Variants in ZNF7 observed in about 807,000 individuals in gnomAD.
The protein encoded by ZNF7 is C2-H2 type zinc finger protein.
ZNF7 carries 10 observed loss-of-function variants against 12.0 expected under a neutral mutation model. That is an observed-to-expected ratio of 0.83 (90% CI 0.51 to 1.42). ZNF7 has a LOEUF of 1.42. Ranked by LOEUF, ZNF7 falls within the 40% of genes most tolerant of loss-of-function variation. The probability of loss-of-function intolerance (pLI) is 0.00; values close to 1 mark genes in which losing one functional copy is unlikely to be tolerated. For missense variants in ZNF7, 854 were observed against 837.2 expected, an observed-to-expected ratio of 1.02 and a Z score of -0.25; for synonymous variants, 334 against 295.0, an observed-to-expected ratio of 1.13 and a Z score of -1.35.
chr8:144,845,612 T>G (rs899032618), downstream of ZNF7, among the ~76,000 whole-genome samples: 8 of 152,204 alleles, frequency 5.3e-5, no homozygotes, highest in Non-Finnish European at 1.0e-4. Flanking sequence ...AGCATCTAAT[T>G]AAGGCTGATA....
downstream of ZNF7, chr8:144,846,304 C>T (rs1272257816): frequency 9.3e-6 from 9 of 966,880 alleles, no homozygotes; most frequent in Non-Finnish European, 1.3e-5. Flanking sequence ...TTGACATGGT[C>T]CTAAGTCAGG....
chr8:144,843,306 C>T lies in ZNF7; in HGVS notation c.*138C>T, dbSNP rs80296345. 6,070 of 1,135,604 alleles carry T rather than the reference C, an allele frequency of 5.3e-3. 256 individuals carry two copies. In the East Asian group the frequency reaches 0.11, roughly 21 times the overall value. 70.3% of individuals were successfully genotyped at this position (1,135,604 alleles called of 1,614,324 possible). On this transcript the variant is annotated 3_prime_UTR_variant, in exon 5 of 5. Transcript: ENST00000532777. ...AATTGCTCTCAAGAATATCCAACTT[C>T]AGGCCGAGTGTGGTGGCTTATGCCT...
In ZNF7 at chr8:144,841,666, C is replaced by G; in HGVS notation, c.559C>G (p.Gln187Glu). 1 of 1,614,144 alleles carries G rather than the reference C, an allele frequency of 6.2e-7. No individual in the cohort carries two copies. Among genetic ancestry groups the G allele is most frequent in the Non-Finnish European group, 8.5e-7 (1 of 1,180,018 alleles). ...SGLDCQPLES[Q>E]GESAEGMSQR... ...CCTGGATTGTCAGCCTCTTGAAAGT[C>G]AGGGAGAGAGTGCGGAAGGGATGTC... is the stretch of plus-strand genomic sequence containing the variant. The change falls in exon 5 of 5, where the codon CAG (glutamine) becomes GAG (glutamate). Residue 187 changes from glutamine to glutamate, a missense_variant. Transcript: ENST00000532777.
Position 144,829,624 on chromosome 8 carries a change from C to A in ZNF7, c.130+20C>A. ...GACTAGGTGAGGCTGCACCTTGGGG[C>A]CCCTTCCCCTGCATCATCAGTCAGC... is the stretch of plus-strand genomic sequence containing the variant. On this transcript the variant is annotated intron_variant, in intron 3 of 4. Coordinates refer to ENST00000532777, the MANE Select transcript of ZNF7 (RefSeq NM_003416.4). The A allele has an allele frequency of 1.3e-6, 2 of 1,590,166 alleles. No individual in the cohort carries two copies. The highest frequency in any genetic ancestry group is 8.6e-7 in the Non-Finnish European group (1 of 1,164,014).
At chr8:144,837,116 C>T in intron 3 of ZNF7, 1 of 289,076 alleles carries the variant, frequency 3.5e-6, no homozygotes, top group Non-Finnish European at 6.5e-6. Flanking sequence ...TAGAGGCGGA[C>T]TGTCCTTTGC....
At chr8:144,839,662 C>T (rs905823251) in intron 4 of ZNF7, among the ~76,000 whole-genome samples, 54 of 152,330 alleles carry the variant, frequency 3.5e-4, no homozygotes, top group African/African-American at 8.9e-4. Context: ...CCTGAGAGTC[C>T]GGGGCAGGGA....
rs1828123894 is a variant in ZNF7, at chr8:144,829,010, C to G, written c.-45-33C>G. On this transcript the variant is annotated intron_variant, in intron 1 of 4. Transcript: ENST00000532777. ...AGCCTGGAAGTTGGGCTTCTGGCAC[C>G]TTGACCTCTAATCCTTTCATAATTG... 4.4e-6 allele frequency: 7 copies of G among 1,607,820 alleles called. No individual in the cohort carries two copies. In the South Asian group the frequency reaches 6.7e-5, roughly 15 times the overall value.
intron 3 of ZNF7, chr8:144,837,145 G>C (rs1194908808): frequency 2.9e-6 from 1 of 348,012 alleles, no homozygotes; most frequent in Non-Finnish European, 5.3e-6. Context: ...TGGTGACAGG[G>C]TCGCCTGGAG....
At chr8:144,838,023 A>G (rs913113634) in intron 4 of ZNF7, 2 of 698,678 alleles carry the variant, frequency 2.9e-6, no homozygotes, top group Non-Finnish European at 5.2e-6. Context: ...GAGGCCGGAA[A>G]TCTGAAACCG....
rs1828463457 is a variant in ZNF7 at position 144,831,658 on chromosome 8, C to T, written c.130+2054C>T. Reference sequence around the variant, plus strand: ...ATTAGCTGGGTGTGGTGGCGCATGCCTGTAATCCCAGCTACTCGGGAGGCT... The same window carrying T: ...ATTAGCTGGGTGTGGTGGCGCATGCTTGTAATCCCAGCTACTCGGGAGGCT... On this transcript the variant is annotated intron_variant, in intron 3 of 4. Coordinates refer to ENST00000532777, the MANE Select transcript of ZNF7 (RefSeq NM_003416.4). 1.5e-5 allele frequency among the ~76,000 whole-genome samples: 2 copies of T among 135,250 alleles called. 1 individual carries two copies. The highest frequency in any genetic ancestry group is 4.2e-4 in the East Asian group (2 of 4,714). 88.7% of individuals were successfully genotyped at this position (135,250 alleles called of 152,430 possible).
intron 4 of ZNF7, chr8:144,838,032 C>CG (rs904349708): frequency 3.6e-5 from 25 of 697,666 alleles, no homozygotes; most frequent in Admixed American, 8.0e-5. Context: ...AATCTGAAAC[C>CG]GGGGGGTCAG....
chr8:144,828,843 CACAT>C (rs1366463255), intron 1 of ZNF7, 196 bp from the exon 2 acceptor site: 1 of 651,624 alleles, frequency 1.5e-6, no homozygotes, highest in Non-Finnish European at 2.6e-6. Flanking sequence ...ATGCCACACA[CACAT>C]ACACTCTAAA....
downstream of ZNF7, among the ~76,000 whole-genome samples, chr8:144,844,709 C>CAAAAAAAAAAAAAA (rs71320849): frequency 2.3e-5 from 2 of 88,618 alleles, no homozygotes; most frequent in African/African-American, 8.4e-5. Context: ...GACTCTGTAT[C>CAAAAAAAAAAAAAA]AAAAAAAAAA....
At chr8:144,828,943 G>A in intron 1 of ZNF7, 100 bp from the exon 2 acceptor site, 6 of 1,462,250 alleles carry the variant, frequency 4.1e-6, no homozygotes, top group African/African-American at 2.8e-5. Context: ...AGAAATCTGG[G>A]GCTGGAGGTA....
chr8:144,831,708 T>C (rs1828477614), intron 3 of ZNF7, among the ~76,000 whole-genome samples: 1 of 64,134 alleles, frequency 1.6e-5, no homozygotes, highest in Non-Finnish European at 4.2e-5. Context: ...GCTTGAACCC[T>C]GGAGGCGGAG....
At chr8:144,846,232 C>A, downstream of ZNF7, 5 of 1,496,524 alleles carry the variant, frequency 3.3e-6, no homozygotes, top group Admixed American at 4.1e-5. Flanking sequence ...CTAACAGCAA[C>A]CAGCCAAAAA....
intron 3 of ZNF7, among the ~76,000 whole-genome samples, chr8:144,832,797 T>G (rs1828591439): frequency 6.6e-6 from 1 of 152,260 alleles, no homozygotes; most frequent in Admixed American, 6.5e-5. Context: ...TTTTATAGTT[T>G]GTATTTCTCA....
intron 4 of ZNF7, chr8:144,841,126 C>G: frequency 3.8e-6 from 2 of 528,122 alleles, no homozygotes; most frequent in Non-Finnish European, 6.7e-6. Context: ...CCAGCCCTGC[C>G]CCAGCAATGA....
At chr8:144,845,900 C>A, downstream of ZNF7, 1 of 1,419,972 alleles carries the variant, frequency 7.0e-7, no homozygotes, top group Admixed American at 2.1e-5. Context: ...TGAGAAGGGT[C>A]TTGGCAGGTA....
Sources: gnomAD v4.1 joint callset for allele counts (sites outside exome capture counted in the v4.1 genomes callset) on GRCh38, gnomAD v4.1.1 for gene constraint, MANE v1.5 for transcripts, NCBI Gene and HGNC (gene_info 2026-07-23, HGNC 2026-07-21) for gene names.